The following TEX10 variants were observed in gnomAD, a reference collection of about 807,000 sequenced individuals.
TEX10 encodes the protein testis expressed 10.
Under a neutral mutation model 104.4 loss-of-function variants are expected in TEX10, and 24 were observed. The observed-to-expected ratio is 0.23, with a 90% CI of 0.17 to 0.32. TEX10 has a LOEUF of 0.32. TEX10 is among the 10% of genes least tolerant of loss of function. The pLI is 1.00. For synonymous variants in TEX10, 396 were observed against 393.4 expected (o/e 1.01, Z -0.08); for missense variants, 921 against 1,083.9 (o/e 0.85, Z 2.11).
chr9:100,328,094 A>C, intron 7 of TEX10, 132 bp from the exon 8 acceptor site: 2 of 647,670 alleles, frequency 3.1e-6, no homozygotes, highest in Non-Finnish European at 4.6e-6. Context: ...TACCACATTT[A>C]TTCATTTAAA....
At chr9:100,352,307 C>T (rs770678012) in intron 1 of TEX10, 12 of 1,525,964 alleles carry the variant, frequency 7.9e-6, no homozygotes, top group African/African-American at 4.1e-5. Context: ...AACTGGTAGT[C>T]CCCTTCCGCT....
chr9:100,325,820 C>T (rs1052263575), intron 9 of TEX10, among the ~76,000 whole-genome samples: 3 of 152,066 alleles, frequency 2.0e-5, no homozygotes, highest in Non-Finnish European at 4.4e-5. Flanking sequence ...TGAGCCACTA[C>T]GCCTGGCAAA....
intron 4 of TEX10, among the ~76,000 whole-genome samples, chr9:100,344,369 T>C (rs920350592): frequency 2.0e-5 from 3 of 152,234 alleles, no homozygotes; most frequent in African/African-American, 7.2e-5. Context: ...CCTTTGTTAG[T>C]GTTATCCAGA....
intron 5 of TEX10, 90 bp downstream of exon 5, chr9:100,340,167 T>C: frequency 2.8e-6 from 2 of 719,650 alleles, no homozygotes; most frequent in Non-Finnish European, 2.2e-6. Context: ...CACAGCAGTG[T>C]AGAAAGTTCC....
rs938452643 is a variant in TEX10, at chr9:100,352,905, C to T, written c.-143G>A. ...GCGTGTTTTCAAATAGCCTCGTCCT[C>T]ACGCGGCCGCGTCTCCTTCCGCCGC... On this transcript the variant is annotated 5_prime_UTR_variant, in exon 1 of 15. Transcript: ENST00000374902. The T allele has an allele frequency of 2.0e-6, 2 of 991,062 alleles. No homozygotes were observed. Among genetic ancestry groups the T allele is most frequent in the African/African-American group, 1.7e-5 (1 of 57,452 alleles). The allele number at this position is 991,062 out of a possible 1,614,324, so 61.4% of individuals were successfully genotyped here.
Position 100,330,129 on chromosome 9 carries a change from G to C in TEX10, c.1291C>G (p.Leu431Val). 6.2e-7 allele frequency: 1 copy of C among 1,613,884 alleles called. No homozygotes were observed. The highest frequency in any genetic ancestry group is 8.5e-7 in the Non-Finnish European group (1 of 1,179,908). Residue 431 changes from leucine (L) to valine (V), a missense_variant, in exon 6 of 15, where the codon CTC becomes GTC. This residue lies in a region of TEX10 where 753 missense variants were observed against 868.4 expected (regional missense o/e 0.87). Coordinates refer to ENST00000374902, the MANE Select transcript of TEX10 (RefSeq NM_017746.4). The part of the protein sequence containing the change: ...CTVLSNNIDH[L>V]LLNLTLSDIM... ...TCAGACAGTGTTAAATTCAGTAAGAGATGATCTATGTTATTGGAGAGAACT... is the reference window on the plus strand; with the variant it reads ...TCAGACAGTGTTAAATTCAGTAAGACATGATCTATGTTATTGGAGAGAACT...
At chr9:100,310,461 C>T in intron 11 of TEX10, 82 bp from the exon 12 acceptor site, 2 of 1,288,262 alleles carry the variant, frequency 1.6e-6, no homozygotes, top group Non-Finnish European at 2.2e-6. Flanking sequence ...TTTTTTGAGA[C>T]AGAGTTTCAC....
chr9:100,334,236 A>C (rs2118900617), intron 5 of TEX10, among the ~76,000 whole-genome samples: 1 of 152,278 alleles, frequency 6.6e-6, no homozygotes, highest in South Asian at 2.1e-4. Context: ...CAGAAAATGA[A>C]AGACAAGAAG....
At chr9:100,345,945 C>T in intron 4 of TEX10, 127 bp downstream of exon 4, 1 of 978,638 alleles carries the variant, frequency 1.0e-6, no homozygotes, top group Non-Finnish European at 1.4e-6. Context: ...AACAAGTTTA[C>T]AGTTAAACCC....
In TEX10 at chr9:100,303,616, G is replaced by GTACCATGCTTCT. The variant is rs1834069911; in HGVS notation, c.2676+4_2676+15dup. The GTACCATGCTTCT allele has an allele frequency of 6.2e-7, 1 of 1,613,328 alleles. No homozygotes were observed. The highest frequency in any genetic ancestry group is 1.7e-5 in the Admixed American group (1 of 59,966). ...TTATGCTAATACTGCAAAGCCTCCGGTACCATGCTTCTTACCGTGATATTC... is the reference window on the plus strand; with the variant it reads ...TTATGCTAATACTGCAAAGCCTCCGGTACCATGCTTCTTACCATGCTTCTTACCGTGATATTC... On this transcript the variant is annotated intron_variant, in intron 14 of 14. Coordinates refer to ENST00000374902, the MANE Select transcript of TEX10 (RefSeq NM_017746.4).
intron 1 of TEX10, 180 bp downstream of exon 1, chr9:100,352,592 C>T (rs979961214): frequency 3.3e-6 from 5 of 1,503,190 alleles, no homozygotes; most frequent in Non-Finnish European, 4.4e-6. Context: ...GGTCCCGCCC[C>T]CGCAGTGCCG....
intron 8 of TEX10, 74 bp from the exon 9 acceptor site, chr9:100,326,553 T>TG: frequency 7.1e-7 from 1 of 1,408,662 alleles, no homozygotes; most frequent in Non-Finnish European, 9.5e-7. Flanking sequence ...AGCAGATCAA[T>TG]GACTTCCATT....
chr9:100,327,687 C>T, intron 8 of TEX10, 100 bp downstream of exon 8: 3 of 930,376 alleles, frequency 3.2e-6, no homozygotes, highest in Non-Finnish European at 4.5e-6. Context: ...CTAATTCAGA[C>T]TAAGGGAAAG....
intron 13 of TEX10, chr9:100,305,162 T>C (rs1834115139): frequency 6.6e-6 from 1 of 152,180 alleles, no homozygotes; most frequent in African/African-American, 2.4e-5. Flanking sequence ...TAGAGTCCAC[T>C]GACTATGAAA....
In TEX10 at chr9:100,347,036, T is replaced by A. The variant is rs769288641; in HGVS notation, c.551A>T (p.Lys184Met). Residue 184 changes from lysine (K) to methionine (M), a missense_variant, in exon 3 of 15, where the codon AAG becomes ATG. This residue lies in a region of TEX10 where 50 missense variants were observed against 104.2 expected (regional missense o/e 0.48). Coordinates refer to ENST00000374902, the MANE Select transcript of TEX10 (RefSeq NM_017746.4). Reference protein sequence around the residue: ...LITGRSSILLKNFVELISHQQ... With the variant: ...LITGRSSILLMNFVELISHQQ... ...ATGAGAAATAAGTTCTACAAAATTC[T>A]TAAGCAATATGCTGCTACGGCCAGT... 1 of 1,614,192 alleles carries A rather than the reference T, an allele frequency of 6.2e-7. No individual in the cohort carries two copies. Among genetic ancestry groups the A allele is most frequent in the Admixed American group, 1.7e-5 (1 of 60,020 alleles).
intron 5 of TEX10, among the ~76,000 whole-genome samples, chr9:100,335,385 G>T (rs1356442353): frequency 6.6e-6 from 1 of 151,916 alleles, no homozygotes; most frequent in Non-Finnish European, 1.5e-5. Flanking sequence ...TGTATTTTTG[G>T]TAGAGATGGG....
chr9:100,315,223 T>C (rs976674470), intron 11 of TEX10, among the ~76,000 whole-genome samples: 5 of 152,226 alleles, frequency 3.3e-5, no homozygotes, highest in Non-Finnish European at 5.9e-5. Context: ...GAGAAGAATG[T>C]ATATTCTGCA....
chr9:100,328,023 C>CAAAAA, intron 7 of TEX10, 61 bp from the exon 8 acceptor site: 1 of 1,271,390 alleles, frequency 7.9e-7, no homozygotes, highest in Non-Finnish European at 1.0e-6. Flanking sequence ...TAAATTTAAA[C>CAAAAA]AAAAAAAAAA....
intron 4 of TEX10, among the ~76,000 whole-genome samples, chr9:100,343,460 TACAC>T (rs888449638): frequency 4.0e-5 from 6 of 151,656 alleles, no homozygotes; most frequent in Non-Finnish European, 7.4e-5. Context: ...AAAAAAAAGA[TACAC>T]ACAGTATTTC....
Sources: gnomAD v4.1 joint callset for allele counts (sites outside exome capture counted in the v4.1 genomes callset) on GRCh38, gnomAD v4.1.1 for gene constraint, gnomAD v4.1.1 regional missense constraint, MANE v1.5 for transcripts, NCBI Gene and HGNC (gene_info 2026-07-23, HGNC 2026-07-21) for gene names.